Variants in ARHGEF10L observed in about 807,000 individuals in gnomAD.
ARHGEF10L encodes rho guanine nucleotide exchange factor 10-like protein.
A neutral mutation model predicts 141.2 loss-of-function variants in ARHGEF10L; 69 were observed. That is an observed-to-expected ratio of 0.49 (90% confidence interval 0.40 to 0.60). ARHGEF10L has a LOEUF of 0.60. ARHGEF10L is among the 20% of genes least tolerant of loss of function. ARHGEF10L has a pLI of 0.00. For missense variants in ARHGEF10L, 1,482 were observed against 1,734.3 expected (o/e 0.85, Z 2.58); for synonymous variants, 711 against 718.5 (o/e 0.99, Z 0.17).
chr1:17,598,054 C>T (rs2080285031), intron 4 of ARHGEF10L, among the ~76,000 whole-genome samples: 1 of 151,936 alleles, frequency 6.6e-6, no homozygotes. Flanking sequence ...TTCATTTGGG[C>T]TGCTGTAAGA....
At position 17,689,598 on chromosome 1, in the gene ARHGEF10L, C is replaced by CCCTT. The variant is rs376362073; in HGVS notation, c.3184+1854_3184+1855insTCCT. 1.4e-3 allele frequency: 157 copies of CCCTT among 108,352 alleles called. 2 individuals carry two copies. The highest frequency in any genetic ancestry group is 0.011 in the African/African-American group (146 of 13,470). The allele number at this position is 108,352 out of a possible 1,614,324, so 6.7% of individuals were successfully genotyped here. A position where few individuals can be genotyped will look rare whatever the true frequency, so the allele number is the denominator to read the frequency against. On this transcript the variant is annotated intron_variant, in intron 27 of 28. Transcript: ENST00000361221. Reference sequence around the variant, plus strand: ...TCCTTCCCTCCCTCCCTCTCTTCTTCCCTCCCTCCCTCCTTCCTCCCTCCC... The same window carrying CCCTT: ...TCCTTCCCTCCCTCCCTCTCTTCTTCCCTTCCTCCCTCCCTCCTTCCTCCCTCCC...
chr1:17,653,229 G>A (rs570342930), intron 22 of ARHGEF10L, among the ~76,000 whole-genome samples: 161 of 152,306 alleles, frequency 1.1e-3, no homozygotes, highest in African/African-American at 3.8e-3. Flanking sequence ...ACTGAGCTGG[G>A]GCTGGAGCCG....
chr1:17,689,980 G>A, intron 27 of ARHGEF10L: 1 of 371,578 alleles, frequency 2.7e-6, no homozygotes, highest in Non-Finnish European at 5.4e-6. Context: ...CTTACTCTTT[G>A]CAGTTACCCT....
rs1434061836 is a variant in ARHGEF10L at position 17,539,913 on chromosome 1, C to CGGCGCGGACGACAAAGGCGCG, written c.-77_-57dup. The CGGCGCGGACGACAAAGGCGCG allele has an allele frequency of 6.6e-6, 1 of 151,052 alleles. No homozygotes were observed. The highest frequency in any genetic ancestry group is 1.5e-5 in the Non-Finnish European group (1 of 67,702). The allele number at this position is 151,052 out of a possible 1,614,324, so 9.4% of individuals were successfully genotyped here. A position where few individuals can be genotyped will look rare whatever the true frequency, so the allele number is the denominator to read the frequency against. On this transcript the variant is annotated 5_prime_UTR_variant, in exon 1 of 29. Coordinates refer to ENST00000361221, the MANE Select transcript of ARHGEF10L (RefSeq NM_018125.4). This position sits in a 1 kb window ranked among gnomAD's most constrained non-coding sequence, Gnocchi z 6.0. ...GCCGGCCGCCAGGCGCCTTTGTGAG[C>CGGCGCGGACGACAAAGGCGCG]GGCGCGGACGACAAAGGCGCGGGCC... is the stretch of plus-strand genomic sequence containing the variant.
At chr1:17,545,012 C>T (rs1395769070) in intron 1 of ARHGEF10L, among the ~76,000 whole-genome samples, 1 of 152,106 alleles carries the variant, frequency 6.6e-6, no homozygotes, top group Non-Finnish European at 1.5e-5. Context: ...CCACCACGTC[C>T]CTCCCATGAC....
At chr1:17,629,443 C>T (rs2060559221) in intron 15 of ARHGEF10L, among the ~76,000 whole-genome samples, 1 of 152,188 alleles carries the variant, frequency 6.6e-6, no homozygotes, top group Admixed American at 6.5e-5. Flanking sequence ...GCTCACCGAC[C>T]CACCTTCCCA....
intron 26 of ARHGEF10L, among the ~76,000 whole-genome samples, chr1:17,670,577 C>T (rs1255920748): frequency 2.0e-5 from 3 of 152,204 alleles, no homozygotes; most frequent in Non-Finnish European, 4.4e-5. Flanking sequence ...GAGGTGTGCT[C>T]GGCTGCATGG....
chr1:17,526,948 T>A, the ARHGEF10L span, among the ~76,000 whole-genome samples: 2 of 151,148 alleles, frequency 1.3e-5, no homozygotes, highest in Admixed American at 6.6e-5. Context: ...GATGGCAGGA[T>A]GCCTCGTTGT....
chr1:17,683,843 G>A (rs1289783065), intron 26 of ARHGEF10L, among the ~76,000 whole-genome samples: 1 of 152,208 alleles, frequency 6.6e-6, no homozygotes, highest in Non-Finnish European at 1.5e-5. Flanking sequence ...CAGCACACAG[G>A]GTTGGCTGGC....
Position 17,656,143 on chromosome 1 carries a change from G to A in ARHGEF10L, c.2705+41G>A. On this transcript the variant is annotated intron_variant, in intron 24 of 28. Coordinates refer to ENST00000361221, the MANE Select transcript of ARHGEF10L (RefSeq NM_018125.4). The surrounding 1 kb of genome is among the most constrained non-coding windows in gnomAD (Gnocchi z 4.9). ...GGAGGGGTGAGAGCAGCCTCTGCAG[G>A]GCTGGGCAGTGGGTGGGGGCTGTCC... 3 of 1,543,170 alleles carry A rather than the reference G, an allele frequency of 1.9e-6. No individual in the cohort carries two copies. The highest frequency in any genetic ancestry group is 2.6e-6 in the Non-Finnish European group (3 of 1,142,738).
chr1:17,632,388 G>A lies in ARHGEF10L; in HGVS notation c.1652G>A (p.Arg551His), dbSNP rs1181610665. 28 of 1,614,064 alleles carry A rather than the reference G, an allele frequency of 1.7e-5. No homozygotes were observed. Among genetic ancestry groups the A allele is most frequent in the Middle Eastern group, 3.3e-4 (2 of 6,082 alleles). ...TTGACGGAGACCGTGTACGGTGACC[G>A]CGGGCAGCTAATTAAGTCCAAGGAG... The part of the protein sequence containing the change: ...ETLTETVYGD[R>H]GQLIKSKERR... The change falls in exon 16 of 29, where the codon CGC (arginine) becomes CAC (histidine). Residue 551 changes from arginine (R) to histidine (H), a missense_variant. By Grantham distance (29) the Arg-to-His change is conservative (BLOSUM62 0). Around this residue, in one of 3 missense-constraint regions of ARHGEF10L, gnomAD observed 392 missense variants for 542.1 expected, o/e 0.72. Transcript: ENST00000361221.
rs760665400 is a variant in ARHGEF10L at position 17,621,984 on chromosome 1, G to A, written c.1020+43G>A. 1 of 1,606,770 alleles carries A rather than the reference G, an allele frequency of 6.2e-7. No individual in the cohort carries two copies. The highest frequency in any genetic ancestry group is 1.1e-5 in the South Asian group (1 of 90,894). Reference sequence around the variant, plus strand: ...TCTCAAGGGTCTCTGGGGAGAAGCAGGGAGGGCCCTGGAGGGTAACTTTAT... The same window carrying A: ...TCTCAAGGGTCTCTGGGGAGAAGCAAGGAGGGCCCTGGAGGGTAACTTTAT... On this transcript the variant is annotated intron_variant, in intron 11 of 28. Coordinates refer to ENST00000361221, the MANE Select transcript of ARHGEF10L (RefSeq NM_018125.4). This position sits in a 1 kb window ranked among gnomAD's most constrained non-coding sequence, Gnocchi z 4.1.
chr1:17,606,384 C>T (rs962150861), intron 6 of ARHGEF10L, among the ~76,000 whole-genome samples: 19 of 151,820 alleles, frequency 1.3e-4, no homozygotes, highest in African/African-American at 4.4e-4. Flanking sequence ...GCTTCCGCCT[C>T]CCGGGTTCAA....
At chr1:17,576,106 A>C (rs1466704214) in intron 1 of ARHGEF10L, among the ~76,000 whole-genome samples, 6 of 151,906 alleles carry the variant, frequency 3.9e-5, no homozygotes. Flanking sequence ...CAGGGCCCCC[A>C]AGTGTTTTCT....
Position 17,697,166 on chromosome 1 carries a change from C to A in ARHGEF10L, c.3626C>A (p.Ser1209Tyr). ...AALEHSEEDG[S>Y]IYEMADDPDI... ...TTGGAGCACAGCGAGGAGGACGGCTCCATTTACGAGATGGCCGACGACCCC... is the reference window on the plus strand; with the variant it reads ...TTGGAGCACAGCGAGGAGGACGGCTACATTTACGAGATGGCCGACGACCCC... Residue 1209 changes from serine (S) to tyrosine (Y), a missense_variant, in exon 29 of 29, where the codon TCC becomes TAC. This residue lies in a region of ARHGEF10L where 858 missense variants were observed against 966.3 expected (regional missense o/e 0.89). Transcript: ENST00000361221. This position sits in a 1 kb window ranked among gnomAD's most constrained non-coding sequence, Gnocchi z 4.8. 2 of 1,612,040 alleles carry A rather than the reference C, an allele frequency of 1.2e-6. No individual in the cohort carries two copies. Among genetic ancestry groups the A allele is most frequent in the Non-Finnish European group, 1.7e-6 (2 of 1,179,482 alleles).
intron 4 of ARHGEF10L, among the ~76,000 whole-genome samples, chr1:17,590,460 C>G (rs895679103): frequency 6.6e-6 from 1 of 152,080 alleles, no homozygotes; most frequent in Non-Finnish European, 1.5e-5. Flanking sequence ...CTTCGCTCCC[C>G]CAACACAGAG....
intron 15 of ARHGEF10L, among the ~76,000 whole-genome samples, chr1:17,629,122 G>A (rs2060538920): frequency 6.6e-6 from 1 of 152,146 alleles, no homozygotes; most frequent in Non-Finnish European, 1.5e-5. Flanking sequence ...CTGGGCTCAA[G>A]TGAGCCTCCT....
At chr1:17,569,660 C>T (rs1189274892) in intron 1 of ARHGEF10L, among the ~76,000 whole-genome samples, 3 of 152,156 alleles carry the variant, frequency 2.0e-5, no homozygotes, top group Non-Finnish European at 4.4e-5. Context: ...CTCTCTGTGG[C>T]CTGCCAACCT....
chr1:17,590,458 C>A (rs2079434639), intron 4 of ARHGEF10L, among the ~76,000 whole-genome samples: 1 of 152,082 alleles, frequency 6.6e-6, no homozygotes, highest in Admixed American at 6.5e-5. Flanking sequence ...CTCTTCGCTC[C>A]CCCAACACAG....
Sources: gnomAD v4.1 joint callset for allele counts (sites outside exome capture counted in the v4.1 genomes callset) on GRCh38, gnomAD v4.1.1 for gene constraint, gnomAD v4.1.1 regional missense constraint, Gnocchi (gnomAD v3.1) non-coding constraint, MANE v1.5 for transcripts, NCBI Gene and HGNC (gene_info 2026-07-23, HGNC 2026-07-21) for gene names.